OPCML: variants seen among roughly 807,000 people sequenced by gnomAD.
The protein encoded by OPCML is opioid-binding protein/cell adhesion molecule.
In OPCML, 13 loss-of-function variants were observed where a neutral mutation model predicts 37.8. That is an observed-to-expected ratio of 0.34 (90% CI 0.22 to 0.55). The LOEUF (loss-of-function observed/expected upper bound fraction) is 0.55. Ranked by LOEUF, OPCML falls within the 20% of genes least tolerant of loss-of-function variation. The pLI is 0.91. For missense variants in OPCML, 341 were observed against 435.6 expected (o/e 0.78, Z 1.93); for synonymous variants, 176 against 168.8 (o/e 1.04, Z -0.33).
intron 4 of OPCML, among the ~76,000 whole-genome samples, chr11:132,519,499 A>C (rs1283105484): frequency 1.3e-5 from 2 of 152,114 alleles, no homozygotes; most frequent in Non-Finnish European, 2.9e-5. Flanking sequence ...AAAGGAGCAT[A>C]AATGGGATTA....
chr11:132,657,834 C>T (rs1261458259), intron 2 of OPCML, among the ~76,000 whole-genome samples: 1 of 152,198 alleles, frequency 6.6e-6, no homozygotes, highest in Non-Finnish European at 1.5e-5. Context: ...CTGCAAACTA[C>T]AATTTATAAC....
intron 3 of OPCML, among the ~76,000 whole-genome samples, chr11:132,562,109 G>T (rs1157528423): frequency 6.6e-6 from 1 of 152,176 alleles, no homozygotes; most frequent in Non-Finnish European, 1.5e-5. Flanking sequence ...GAATGTATTT[G>T]AGTTGTAATA....
chr11:132,656,853 C>T (rs141145439), intron 3 of OPCML, among the ~76,000 whole-genome samples: 7 of 152,260 alleles, frequency 4.6e-5, no homozygotes, highest in Admixed American at 3.9e-4. Context: ...TGTTACACAA[C>T]GTATTGATGA....
chr11:132,605,602 C>T (rs1938237521), intron 3 of OPCML, among the ~76,000 whole-genome samples: 2 of 149,794 alleles, frequency 1.3e-5, no homozygotes, highest in Non-Finnish European at 2.9e-5. Context: ...AAAAGGACAC[C>T]ACTAACTGGT....
intron 1 of OPCML, among the ~76,000 whole-genome samples, chr11:133,144,164 A>G (rs190271178): frequency 3.2e-4 from 49 of 152,284 alleles, no homozygotes; most frequent in African/African-American, 1.1e-3. Context: ...TGCTTCAGTC[A>G]CTAGAAAAAC....
intron 1 of OPCML, among the ~76,000 whole-genome samples, chr11:133,044,433 T>C (rs1947967781): frequency 6.6e-6 from 1 of 151,926 alleles, no homozygotes; most frequent in Admixed American, 6.6e-5. Context: ...AGAGGCTAAA[T>C]TGTGAAAAAG....
chr11:132,586,374 A>G (rs2096472703), intron 3 of OPCML, among the ~76,000 whole-genome samples: 1 of 152,208 alleles, frequency 6.6e-6, no homozygotes, highest in Admixed American at 6.5e-5. Context: ...GTCATGTGTG[A>G]TTACAGTGGA....
At chr11:132,816,584 T>C (rs1939652530) in intron 2 of OPCML, among the ~76,000 whole-genome samples, 1 of 152,196 alleles carries the variant, frequency 6.6e-6, no homozygotes, top group African/African-American at 2.4e-5. Flanking sequence ...TTCTTGTTTA[T>C]AGCAGGAAGA....
intron 4 of OPCML, among the ~76,000 whole-genome samples, chr11:132,508,290 C>G (rs1263908827): frequency 6.6e-6 from 1 of 152,058 alleles, no homozygotes; most frequent in African/African-American, 2.4e-5. Context: ...CCCTCATGAA[C>G]AAAACAGATG....
At chr11:132,835,170 T>G (rs1202909946) in intron 2 of OPCML, among the ~76,000 whole-genome samples, 1 of 152,188 alleles carries the variant, frequency 6.6e-6, no homozygotes, top group Non-Finnish European at 1.5e-5. Context: ...GATGGCATAT[T>G]CACTGCCAGT....
At chr11:133,457,165 T>C (rs1946689193) in intron 1 of OPCML, among the ~76,000 whole-genome samples, 1 of 152,150 alleles carries the variant, frequency 6.6e-6, no homozygotes, top group African/African-American at 2.4e-5. Context: ...AGTGGATTTC[T>C]CAGCAAAAAA....
intron 1 of OPCML, among the ~76,000 whole-genome samples, chr11:133,071,721 A>G (rs1291700404): frequency 6.6e-6 from 1 of 152,174 alleles, no homozygotes; most frequent in Non-Finnish European, 1.5e-5. Context: ...AGAGAGTTTT[A>G]GGCCCTTTTA....
At chr11:132,522,506 A>G (rs1412543460) in intron 4 of OPCML, among the ~76,000 whole-genome samples, 3 of 152,244 alleles carry the variant, frequency 2.0e-5, no homozygotes, top group South Asian at 2.1e-4. Context: ...TGTATGCTAC[A>G]TGGATTCAAA....
At chr11:133,461,820 C>G (rs1946866477) in intron 1 of OPCML, among the ~76,000 whole-genome samples, 1 of 151,700 alleles carries the variant, frequency 6.6e-6, no homozygotes. Flanking sequence ...CCCCAATAGT[C>G]AATATAATAA....
intron 1 of OPCML, among the ~76,000 whole-genome samples, chr11:132,990,481 A>C (rs527653176): frequency 1.3e-5 from 2 of 152,298 alleles, no homozygotes; most frequent in Admixed American, 6.5e-5. Context: ...ACTGATTTTC[A>C]CAACTACTTC....
intron 2 of OPCML, among the ~76,000 whole-genome samples, chr11:132,879,530 G>A (rs1019304156): frequency 3.3e-5 from 5 of 152,192 alleles, no homozygotes; most frequent in African/African-American, 1.2e-4. Flanking sequence ...ATTACATTTT[G>A]CAAGAAATAA....
At chr11:132,784,251 G>A (rs1232143721) in intron 2 of OPCML, among the ~76,000 whole-genome samples, 2 of 152,032 alleles carry the variant, frequency 1.3e-5, no homozygotes, top group African/African-American at 2.4e-5. Context: ...AACTAACCAA[G>A]GCTTGATTAA....
chr11:132,745,773 A>G (rs1290928228), intron 2 of OPCML, among the ~76,000 whole-genome samples: 1 of 152,124 alleles, frequency 6.6e-6, no homozygotes, highest in Non-Finnish European at 1.5e-5. Context: ...AGGTGGAAGC[A>G]GTGTCTATGA....
At chr11:132,718,532 G>A (rs767130012) in intron 2 of OPCML, among the ~76,000 whole-genome samples, 6 of 152,086 alleles carry the variant, frequency 3.9e-5, no homozygotes, top group Non-Finnish European at 7.4e-5. Context: ...CTCTCACGAC[G>A]GTGGGGTGAG....
Sources: gnomAD v4.1 joint callset for allele counts (sites outside exome capture counted in the v4.1 genomes callset) on GRCh38, gnomAD v4.1.1 for gene constraint, MANE v1.5 for transcripts, NCBI Gene and HGNC (gene_info 2026-07-23, HGNC 2026-07-21) for gene names.